The following KIRREL1 variants were observed in gnomAD, a reference collection of about 807,000 sequenced individuals.
KIRREL1 encodes kirre like nephrin family adhesion molecule 1.
In KIRREL1, 25 loss-of-function variants were observed where a neutral mutation model predicts 83.3. The ratio of observed to expected loss-of-function variants is 0.30; its 90% confidence interval spans 0.22 to 0.42. The LOEUF (loss-of-function observed/expected upper bound fraction) is 0.42, where lower values mean the gene tolerates loss of function less well. KIRREL1 is among the 10% of genes least tolerant of loss of function. The pLI is 1.00. For missense variants in KIRREL1, 812 were observed against 1,032.3 expected (o/e 0.79, Z 2.92); for synonymous variants, 388 against 410.4 (o/e 0.95, Z 0.66).
At chr1:158,004,915 G>A (rs1659472962) in intron 1 of KIRREL1, among the ~76,000 whole-genome samples, 1 of 152,194 alleles carries the variant, frequency 6.6e-6, no homozygotes, top group Admixed American at 6.5e-5. Context: ...CTGCACTCCA[G>A]CCTGGGCCAC....
intron 1 of KIRREL1, 118 bp from the exon 2 acceptor site, chr1:158,075,995 G>A (rs1315787465): frequency 3.6e-5 from 33 of 907,748 alleles, no homozygotes; most frequent in South Asian, 2.1e-4. Context: ...GGCAGGGACC[G>A]GAGAGTCCCC....
intron 1 of KIRREL1, among the ~76,000 whole-genome samples, chr1:158,043,845 A>T (rs1013431166): frequency 2.6e-5 from 4 of 152,222 alleles, no homozygotes; most frequent in Non-Finnish European, 4.4e-5. Context: ...CTTTGACGCC[A>T]CAAAGGACCC....
At chr1:158,003,199 C>T (rs1045772321) in intron 1 of KIRREL1, among the ~76,000 whole-genome samples, 1 of 152,042 alleles carries the variant, frequency 6.6e-6, no homozygotes. Flanking sequence ...TCTTCCCATT[C>T]GATTCGCTTA....
chr1:158,044,338 T>C (rs1660717904), intron 1 of KIRREL1, among the ~76,000 whole-genome samples: 1 of 152,188 alleles, frequency 6.6e-6, no homozygotes, highest in South Asian at 2.1e-4. Flanking sequence ...GGGAGGTCCA[T>C]GCCCAGAGAG....
rs182184767 is a variant in KIRREL1, at chr1:158,016,043, A to G, written c.52+22315A>G. Among the ~76,000 whole-genome samples, 729 of 152,278 alleles carry G rather than the reference A, an allele frequency of 4.8e-3. 8 individuals carry two copies. The highest frequency in any genetic ancestry group is 0.017 in the African/African-American group (692 of 41,564). On this transcript the variant is annotated intron_variant, in intron 1 of 14. Coordinates refer to ENST00000359209, the MANE Select transcript of KIRREL1 (RefSeq NM_018240.7). The stretch of plus-strand genomic sequence containing the variant: ...AAAGCAGGCTGGGTGCGGCGGCTCA[A>G]GCCTGTAATCCCAGCACTTTGGGAG...
chr1:158,008,334 C>T (rs751257750), intron 1 of KIRREL1, among the ~76,000 whole-genome samples: 1 of 152,120 alleles, frequency 6.6e-6, no homozygotes, highest in Non-Finnish European at 1.5e-5. Flanking sequence ...GGAGGCTGTG[C>T]CCCTTGGGGA....
intron 1 of KIRREL1, among the ~76,000 whole-genome samples, chr1:158,072,118 C>G (rs970881369): frequency 2.0e-5 from 3 of 152,088 alleles, no homozygotes; most frequent in African/African-American, 7.2e-5. Flanking sequence ...TCCACATTCT[C>G]TTTTTCAGGG....
In KIRREL1 at chr1:158,097,832, T is replaced by G. The variant is rs1662392485; in HGVS notation, c.*2712T>G. On this transcript the variant is annotated 3_prime_UTR_variant, in exon 15 of 15. Coordinates refer to ENST00000359209, the MANE Select transcript of KIRREL1 (RefSeq NM_018240.7). ...AGTGGAAAGAGCAAGGGACTAAAGG[T>G]CAGGAGACCCAGGACCCAGTCCTGA... 1 of 152,182 alleles carries G rather than the reference T, an allele frequency of 6.6e-6. No homozygotes were observed. Among genetic ancestry groups the G allele is most frequent in the South Asian group, 2.1e-4 (1 of 4,824 alleles). 9.4% of individuals were successfully genotyped at this position (152,182 alleles called of 1,614,324 possible). A position where few individuals can be genotyped will look rare whatever the true frequency, so the allele number is the denominator to read the frequency against.
intron 8 of KIRREL1, among the ~76,000 whole-genome samples, chr1:158,088,913 G>A (rs1483269660): frequency 6.6e-6 from 1 of 151,920 alleles, no homozygotes; most frequent in Non-Finnish European, 1.5e-5. Context: ...AGTGCTTACG[G>A]TTATCCCCAC....
At position 158,098,615 on chromosome 1, in the gene KIRREL1, G is replaced by A. The variant is rs920321127; in HGVS notation, c.*3495G>A. 1.2e-4 allele frequency: 19 copies of A among 152,206 alleles called. No homozygotes were observed. The highest frequency in any genetic ancestry group is 3.1e-4 in the African/African-American group (13 of 41,442). 9.4% of individuals were successfully genotyped at this position (152,206 alleles called of 1,614,324 possible). ...TGGCTGAGCCACGGTCACTTCCCTC[G>A]TGAAGGACCCGCCCTATATCCTAAA... On this transcript the variant is annotated 3_prime_UTR_variant, in exon 15 of 15. Transcript: ENST00000359209.
At chr1:158,078,275 C>T in intron 3 of KIRREL1, 135 bp downstream of exon 3, 1 of 1,010,404 alleles carries the variant, frequency 9.9e-7, no homozygotes. Context: ...TGCCCTAATG[C>T]TCAAGTCCAG....
intron 1 of KIRREL1, among the ~76,000 whole-genome samples, chr1:158,032,763 T>C (rs1388017756): frequency 1.3e-5 from 2 of 152,132 alleles, no homozygotes; most frequent in Non-Finnish European, 2.9e-5. Flanking sequence ...ATCCCCACTT[T>C]CTTTTTCTTT....
intron 1 of KIRREL1, among the ~76,000 whole-genome samples, chr1:158,021,972 T>C (rs1040100404): frequency 1.3e-5 from 2 of 151,942 alleles, no homozygotes; most frequent in African/African-American, 4.8e-5. Context: ...GGAGCAGGGC[T>C]CAGCAGGAGG....
chr1:158,018,985 A>G (rs530363220), intron 1 of KIRREL1, among the ~76,000 whole-genome samples: 5 of 152,280 alleles, frequency 3.3e-5, no homozygotes, highest in Admixed American at 1.3e-4. Flanking sequence ...ATGACTTGGG[A>G]ACACCTTCCC....
chr1:158,012,354 G>A (rs1659711916), intron 1 of KIRREL1, among the ~76,000 whole-genome samples: 1 of 152,150 alleles, frequency 6.6e-6, no homozygotes, highest in South Asian at 2.1e-4. Flanking sequence ...TCAAGGACCT[G>A]TCACCTCCTA....
chr1:158,086,437 C>G (rs1662016124), intron 4 of KIRREL1, among the ~76,000 whole-genome samples, 159 bp from the exon 5 acceptor site: 1 of 151,780 alleles, frequency 6.6e-6, no homozygotes, highest in Non-Finnish European at 1.5e-5. Context: ...CACACACACA[C>G]ACACACACAC....
Position 158,094,013 on chromosome 1 carries a change from C to T in KIRREL1, c.1719+251C>T, listed in dbSNP as rs1267744080. On this transcript the variant is annotated intron_variant, in intron 13 of 14. Transcript: ENST00000359209. This position sits in a 1 kb window ranked among gnomAD's most constrained non-coding sequence, Gnocchi z 4.6. ...CCCACAGTGTGTGAAAGTTGGAAGC[C>T]CCCAGAGGCTTTCTGGTCCATCTGC... Among the ~76,000 whole-genome samples the T allele has an allele frequency of 2.6e-5, 4 of 152,336 alleles. No homozygotes were observed. Among genetic ancestry groups the T allele is most frequent in the East Asian group, 1.9e-4 (1 of 5,186 alleles).
intron 10 of KIRREL1, among the ~76,000 whole-genome samples, chr1:158,090,531 C>CG (rs1241613944): frequency 6.6e-6 from 1 of 152,170 alleles, no homozygotes; most frequent in South Asian, 2.1e-4. Flanking sequence ...GCTGGCCTCC[C>CG]GGGGGGCTTT....
intron 1 of KIRREL1, among the ~76,000 whole-genome samples, chr1:157,994,663 A>G (rs777842796): frequency 2.0e-5 from 3 of 151,998 alleles, no homozygotes; most frequent in Non-Finnish European, 2.9e-5. Flanking sequence ...GTCTGACTCT[A>G]AGGAAGACTG....
Sources: gnomAD v4.1 joint callset for allele counts (sites outside exome capture counted in the v4.1 genomes callset) on GRCh38, gnomAD v4.1.1 for gene constraint, Gnocchi (gnomAD v3.1) non-coding constraint, MANE v1.5 for transcripts, NCBI Gene and HGNC (gene_info 2026-07-23, HGNC 2026-07-21) for gene names.